The following TRABD2B variants were observed in gnomAD, a reference collection of about 807,000 sequenced individuals.
TRABD2B encodes TraB domain containing 2B, also known as metalloprotease TIKI2.
Under a neutral mutation model 40.1 loss-of-function variants are expected in TRABD2B, and 14 were observed. The observed-to-expected ratio is 0.35, with a 90% CI of 0.23 to 0.55. The LOEUF (loss-of-function observed/expected upper bound fraction) is 0.55, where lower values mean the gene tolerates loss of function less well. Among genes scored for constraint, TRABD2B ranks in the 20% least tolerant of loss-of-function variants. TRABD2B has a pLI of 0.90. For missense variants in TRABD2B, 541 were observed against 648.6 expected, an observed-to-expected ratio of 0.83 and a Z score of 1.80; for synonymous variants, 263 against 277.0, an observed-to-expected ratio of 0.95 and a Z score of 0.50.
intron 2 of TRABD2B, among the ~76,000 whole-genome samples, chr1:47,982,660 T>C (rs1259224507): frequency 6.6e-6 from 1 of 152,206 alleles, no homozygotes; most frequent in African/African-American, 2.4e-5. Context: ...GCCTAGCATA[T>C]AACAGGCACC....
chr1:47,987,836 G>T (rs1213249484), intron 2 of TRABD2B, among the ~76,000 whole-genome samples: 1 of 151,486 alleles, frequency 6.6e-6, no homozygotes, highest in Non-Finnish European at 1.5e-5. Context: ...GCAGACTGCC[G>T]AAGCACAAGG....
chr1:47,785,748 C>T (rs1236672882), intron 4 of TRABD2B, among the ~76,000 whole-genome samples: 6 of 152,220 alleles, frequency 3.9e-5, no homozygotes, highest in Non-Finnish European at 7.3e-5. Context: ...GGAGGCAGTG[C>T]TCAGCCAGGG....
chr1:47,922,025 G>C (rs1308800846), intron 2 of TRABD2B, among the ~76,000 whole-genome samples: 2 of 152,182 alleles, frequency 1.3e-5, no homozygotes, highest in Admixed American at 1.3e-4. Context: ...GCTAATGAGA[G>C]GCAGAACTGG....
chr1:47,890,733 GTCCC>G (rs1431976366), intron 2 of TRABD2B, among the ~76,000 whole-genome samples: 1 of 152,130 alleles, frequency 6.6e-6, no homozygotes, highest in African/African-American at 2.4e-5. Flanking sequence ...TTCCTCCATT[GTCCC>G]TTTAACGTTC....
At chr1:47,954,602 G>C (rs1570359257) in intron 2 of TRABD2B, among the ~76,000 whole-genome samples, 1 of 152,176 alleles carries the variant, frequency 6.6e-6, no homozygotes, top group Non-Finnish European at 1.5e-5. Flanking sequence ...ACAAACATTT[G>C]AGCTGTCATG....
In TRABD2B at chr1:47,870,774, A is replaced by C. The variant is rs796122753; in HGVS notation, c.667-69155T>G. Among the ~76,000 whole-genome samples the C allele has an allele frequency of 3.9e-5, 6 of 152,336 alleles. No homozygotes were observed. The South Asian group carries it at 1.2e-3, about 32-fold the overall frequency. Reference sequence around the variant, plus strand: ...ACGTTAAATGGGAACAAAGTGCAGCAGGAAGCCTGACTGGGATGTGATGCA... The same window carrying C: ...ACGTTAAATGGGAACAAAGTGCAGCCGGAAGCCTGACTGGGATGTGATGCA... On this transcript the variant is annotated intron_variant, in intron 2 of 6. Transcript: ENST00000606738.
intron 2 of TRABD2B, among the ~76,000 whole-genome samples, chr1:47,959,521 A>AG (rs1249135672): frequency 5.9e-5 from 9 of 152,312 alleles, no homozygotes; most frequent in African/African-American, 1.4e-4. Flanking sequence ...AAAATGATAA[A>AG]GGGATATCAC....
At chr1:47,937,444 C>T (rs949880323) in intron 2 of TRABD2B, among the ~76,000 whole-genome samples, 2 of 151,462 alleles carry the variant, frequency 1.3e-5, no homozygotes, top group Non-Finnish European at 2.9e-5. Flanking sequence ...ATCATCACTA[C>T]TATCATCACC....
At chr1:47,784,747 G>A (rs1644572515) in intron 4 of TRABD2B, among the ~76,000 whole-genome samples, 1 of 152,202 alleles carries the variant, frequency 6.6e-6, no homozygotes. Flanking sequence ...TGTCTGGAGG[G>A]ACACTGGCAG....
intron 2 of TRABD2B, among the ~76,000 whole-genome samples, chr1:47,917,123 C>A (rs149571894): frequency 6.6e-6 from 1 of 152,176 alleles, no homozygotes; most frequent in African/African-American, 2.4e-5. Flanking sequence ...AAGTCCAGCA[C>A]GCAAGGACGG....
intron 4 of TRABD2B, among the ~76,000 whole-genome samples, chr1:47,787,772 G>GCATTCATTCATT (rs60604586): frequency 8.3e-4 from 126 of 151,726 alleles, no homozygotes; most frequent in Admixed American, 3.2e-3. Context: ...CAGGGTTGGT[G>GCATTCATTCATT]CATTCATTCA....
At chr1:47,836,306 T>C (rs917557169) in intron 2 of TRABD2B, among the ~76,000 whole-genome samples, 2 of 152,190 alleles carry the variant, frequency 1.3e-5, no homozygotes, top group African/African-American at 4.8e-5. Context: ...AATAAGGTAA[T>C]GAGTGTGCCA....
intron 3 of TRABD2B, among the ~76,000 whole-genome samples, chr1:47,797,282 T>C (rs190698567): frequency 6.6e-6 from 1 of 152,224 alleles, no homozygotes; most frequent in Non-Finnish European, 1.5e-5. Context: ...ACAAAGGAAG[T>C]CCTGAATCAA....
intron 2 of TRABD2B, among the ~76,000 whole-genome samples, chr1:47,982,793 G>C (rs1229237441): frequency 6.6e-6 from 1 of 152,156 alleles, no homozygotes; most frequent in Non-Finnish European, 1.5e-5. Context: ...TTCCGTGTAA[G>C]TCTGCTTCCT....
intron 2 of TRABD2B, among the ~76,000 whole-genome samples, chr1:47,835,540 C>T (rs754022419): frequency 6.6e-6 from 1 of 152,328 alleles, no homozygotes; most frequent in South Asian, 2.1e-4. Context: ...CAAGAGACAA[C>T]TGAACCATCA....
chr1:47,966,513 T>C (rs1645604926), intron 2 of TRABD2B, among the ~76,000 whole-genome samples: 2 of 152,198 alleles, frequency 1.3e-5, no homozygotes, highest in Non-Finnish European at 2.9e-5. Context: ...CCAGCCCACC[T>C]GGGAAGAGGA....
chr1:47,787,096 C>T (rs535632986), intron 4 of TRABD2B, among the ~76,000 whole-genome samples: 62 of 152,266 alleles, frequency 4.1e-4, no homozygotes, highest in African/African-American at 1.3e-3. Flanking sequence ...GCCATTCTGA[C>T]GCCACCAAGT....
chr1:47,770,897 G>A (rs888610481), intron 6 of TRABD2B, among the ~76,000 whole-genome samples: 3 of 152,222 alleles, frequency 2.0e-5, no homozygotes, highest in Non-Finnish European at 4.4e-5. Flanking sequence ...AACTGTTACC[G>A]AGTGTTACTG....
intron 2 of TRABD2B, among the ~76,000 whole-genome samples, chr1:47,979,783 T>A (rs1293194186): frequency 6.6e-6 from 1 of 152,228 alleles, no homozygotes. Flanking sequence ...GGCCCTGTAA[T>A]GTATAACTAC....
Sources: gnomAD v4.1 joint callset for allele counts (sites outside exome capture counted in the v4.1 genomes callset) on GRCh38, gnomAD v4.1.1 for gene constraint, MANE v1.5 for transcripts, NCBI Gene and HGNC (gene_info 2026-07-23, HGNC 2026-07-21) for gene names.